Variants in CACNA1H observed in about 807,000 individuals in gnomAD.
The protein encoded by CACNA1H is voltage-dependent T-type calcium channel subunit alpha-1H.
CACNA1H carries 149 observed loss-of-function variants against 192.5 expected under a neutral mutation model. The ratio of observed to expected loss-of-function variants is 0.77; its 90% CI spans 0.68 to 0.89. CACNA1H has a LOEUF of 0.89. Ranked by LOEUF, CACNA1H falls within the 40% of genes least tolerant of loss-of-function variation. The probability of loss-of-function intolerance (pLI) is 0.00; values close to 1 mark genes in which losing one functional copy is unlikely to be tolerated. For synonymous variants in CACNA1H, 2,202 were observed against 1,475.2 expected, an observed-to-expected ratio of 1.49 and a Z score of -11.29; for missense variants, 4,257 against 3,423.5, an observed-to-expected ratio of 1.24 and a Z score of -6.08.
chr16:1,158,919 C>T (rs1448689841), intron 2 of CACNA1H, among the ~76,000 whole-genome samples: 1 of 152,026 alleles, frequency 6.6e-6, no homozygotes, highest in African/African-American at 2.4e-5. Context: ...CGCAGAGCCC[C>T]CCCGCTCAGC....
In CACNA1H at chr16:1,204,308, A is replaced by G. The variant is rs1295352076; in HGVS notation, c.2301A>G (p.Ala767=). 1 of 1,600,254 alleles carries G rather than the reference A, an allele frequency of 6.2e-7. No homozygotes were observed. Among genetic ancestry groups the G allele is most frequent in the Non-Finnish European group, 8.5e-7 (1 of 1,172,560 alleles). ...GSPQRRAQQR[A]APGEPGWMGR... ...CCCAGCGGCGGGCACAGCAGAGGGC[A>G]GCCCCGGGCGAGCCAGGCTGGATGG... The change falls in exon 10 of 35, where the codon GCA becomes GCG. Residue 767 remains alanine (A), a synonymous_variant. Coordinates refer to ENST00000348261, the MANE Select transcript of CACNA1H (RefSeq NM_021098.3).
At chr16:1,216,276 AGCGGC>A (rs1970019949) in intron 30 of CACNA1H, among the ~76,000 whole-genome samples, 1 of 152,090 alleles carries the variant, frequency 6.6e-6, no homozygotes, top group African/African-American at 2.4e-5. Context: ...CCCTGTCCTC[AGCGGC>A]GTGCCTAGCT....
At chr16:1,184,114 G>A (rs778814298) in intron 2 of CACNA1H, among the ~76,000 whole-genome samples, 2 of 152,188 alleles carry the variant, frequency 1.3e-5, no homozygotes, top group African/African-American at 4.8e-5. Flanking sequence ...CAGGGTGTAG[G>A]CGGGACTGCT....
intron 2 of CACNA1H, among the ~76,000 whole-genome samples, chr16:1,176,475 G>A (rs1027322226): frequency 2.0e-5 from 3 of 152,218 alleles, no homozygotes; most frequent in African/African-American, 7.2e-5. Flanking sequence ...TTCTGCAGGT[G>A]GGCATGGCAA....
In CACNA1H at chr16:1,207,085, C is replaced by T. The variant is rs2141305514; in HGVS notation, c.2874C>T (p.Asp958=). Residue 958 remains aspartate, a synonymous_variant, in exon 13 of 35, where the codon GAC becomes GAT. Coordinates refer to ENST00000348261, the MANE Select transcript of CACNA1H (RefSeq NM_021098.3). ...GDTVPDRKNF[D]SLLWAIVTVF... ...CCGTGCCTGACAGGAAGAACTTCGA[C>T]TCCCTGCTGTGGGCCATCGTCACCG... 3.1e-6 allele frequency: 5 copies of T among 1,600,470 alleles called. No homozygotes were observed. The highest frequency in any genetic ancestry group is 1.1e-5 in the South Asian group (1 of 88,800).
At chr16:1,196,765 C>G (rs1967028344) in intron 5 of CACNA1H, among the ~76,000 whole-genome samples, 1 of 152,150 alleles carries the variant, frequency 6.6e-6, no homozygotes, top group Admixed American at 6.5e-5. Flanking sequence ...CATATGCCTG[C>G]TTGTTTGGGA....
In CACNA1H at chr16:1,186,792, T is replaced by C. The variant is rs545710854; in HGVS notation, c.300-8180T>C. Among the ~76,000 whole-genome samples the C allele has an allele frequency of 5.8e-3, 882 of 152,316 alleles. 9 individuals carry two copies. Among genetic ancestry groups the C allele is most frequent in the African/African-American group, 0.019 (779 of 41,568 alleles). On this transcript the variant is annotated intron_variant, in intron 2 of 34. Coordinates refer to ENST00000348261, the MANE Select transcript of CACNA1H (RefSeq NM_021098.3). ...AGATATTCTGCCCTTCTAGCTCTTC[T>C]GTATACAAGCAGTGCGCCCTGGTTC... is the stretch of plus-strand genomic sequence containing the variant.
At chr16:1,195,861 C>T in intron 4 of CACNA1H, 65 bp from the exon 5 acceptor site, 1 of 1,295,046 alleles carries the variant, frequency 7.7e-7, no homozygotes, top group Admixed American at 1.7e-5. Flanking sequence ...CTACTTTGCA[C>T]CCCAGCCCCA....
intron 2 of CACNA1H, among the ~76,000 whole-genome samples, chr16:1,169,150 G>A (rs1242655785): frequency 8.0e-6 from 1 of 124,350 alleles, no homozygotes; most frequent in Non-Finnish European, 1.6e-5. Context: ...GCAGCGGCCA[G>A]TCTTCCTGCG....
rs1596459234 is a variant in CACNA1H at position 1,211,536 on chromosome 16, C to T, written c.4406C>T (p.Thr1469Ile). Residue 1469 changes from threonine (T) to isoleucine (I), a missense_variant, in exon 23 of 35, where the codon ACC (threonine) becomes ATC (isoleucine). Physicochemically the swap from Thr to Ile is moderately conservative, Grantham distance 89. Coordinates refer to ENST00000348261, the MANE Select transcript of CACNA1H (RefSeq NM_021098.3). ...GGCCCCGACACCAGGAACATCTCCA[C>T]CAAGGCACAGTGCCGGGCCGCCCAC... is the stretch of plus-strand genomic sequence containing the variant. ...CEGPDTRNIS[T>I]KAQCRAAHYR... 6.2e-7 allele frequency: 1 copy of T among 1,612,406 alleles called. No individual in the cohort carries two copies. The highest frequency in any genetic ancestry group is 8.5e-7 in the Non-Finnish European group (1 of 1,179,702).
At chr16:1,214,897 G>GCAC (rs1781420903) in intron 27 of CACNA1H, 75 bp from the exon 28 acceptor site, 1 of 1,129,040 alleles carries the variant, frequency 8.9e-7, no homozygotes, top group Admixed American at 2.0e-5. Flanking sequence ...GGGCACTCGG[G>GCAC]CGTGCAGAGT....
At position 1,162,237 on chromosome 16, in the gene CACNA1H, G is replaced by A. The variant is rs563496535; in HGVS notation, c.299+8201G>A. Among the ~76,000 whole-genome samples, 7 of 152,246 alleles carry A rather than the reference G, an allele frequency of 4.6e-5. No homozygotes were observed. In the East Asian group the frequency reaches 1.2e-3, roughly 25 times the overall value. The stretch of plus-strand genomic sequence containing the variant: ...CCCCAAGAGGCCATTGCTGTCTGAG[G>A]CCCCTACCTGTGGCACTCTGTTACA... On this transcript the variant is annotated intron_variant, in intron 2 of 34. Coordinates refer to ENST00000348261, the MANE Select transcript of CACNA1H (RefSeq NM_021098.3).
At chr16:1,174,186 C>A (rs1446075962) in intron 2 of CACNA1H, among the ~76,000 whole-genome samples, 1 of 152,166 alleles carries the variant, frequency 6.6e-6, no homozygotes, top group Non-Finnish European at 1.5e-5. Flanking sequence ...GGCAGAGGTC[C>A]TGGCGGCCTC....
In CACNA1H at chr16:1,207,358, C is replaced by T. The variant is rs1173690981; in HGVS notation, c.2991C>T (p.Ala997=). The change falls in exon 14 of 35, where the codon GCC becomes GCT. Residue 997 remains alanine, a synonymous_variant. Coordinates refer to ENST00000348261, the MANE Select transcript of CACNA1H (RefSeq NM_021098.3). ...CCTGGGCCGCCCTCTACTTCGTGGC[C>T]CTCATGACCTTCGGCAACTATGTGC... ...TSSWAALYFV[A]LMTFGNYVLF... 2.1e-5 allele frequency: 34 copies of T among 1,613,068 alleles called. No homozygotes were observed. Among genetic ancestry groups the T allele is most frequent in the Non-Finnish European group, 2.6e-5 (31 of 1,179,786 alleles).
chr16:1,163,593 C>A (rs990782230), intron 2 of CACNA1H, among the ~76,000 whole-genome samples: 1 of 152,256 alleles, frequency 6.6e-6, no homozygotes, highest in African/African-American at 2.4e-5. Context: ...CTGGTCTTTG[C>A]GGGCAGCCGC....
At chr16:1,214,319 C>T (rs1480977652) in intron 27 of CACNA1H, among the ~76,000 whole-genome samples, 2 of 152,232 alleles carry the variant, frequency 1.3e-5, no homozygotes, top group African/African-American at 2.4e-5. Flanking sequence ...ACTTCGTCCT[C>T]CCAGCCTTTT....
At position 1,220,280 on chromosome 16, in the gene CACNA1H, G is replaced by A; in HGVS notation, c.6348G>A (p.Glu2116=). 1.3e-6 allele frequency: 2 copies of A among 1,584,212 alleles called. No individual in the cohort carries two copies. Among genetic ancestry groups the A allele is most frequent in the Non-Finnish European group, 1.7e-6 (2 of 1,171,662 alleles). Reference sequence around the variant, plus strand: ...CCTGCCCCTGGCAGCCCACAGCCGAGCCCCATGGCCCCGAAGCCTCTCCGG... The same window carrying A: ...CCTGCCCCTGGCAGCCCACAGCCGAACCCCATGGCCCCGAAGCCTCTCCGG... ...SSACPWQPTA[E]PHGPEASPVA... The change falls in exon 35 of 35, where the codon GAG becomes GAA. Residue 2116 remains glutamate, a synonymous_variant. Coordinates refer to ENST00000348261, the MANE Select transcript of CACNA1H (RefSeq NM_021098.3).
At chr16:1,165,932 G>T (rs1378261184) in intron 2 of CACNA1H, among the ~76,000 whole-genome samples, 1 of 152,154 alleles carries the variant, frequency 6.6e-6, no homozygotes, top group Admixed American at 6.5e-5. Context: ...GCCGTGTGGG[G>T]CAAGAGTGGT....
At chr16:1,211,457 G>A (rs760134939) in intron 22 of CACNA1H, 24 bp from the exon 23 acceptor site, 31 of 1,612,158 alleles carry the variant, frequency 1.9e-5, no homozygotes, top group African/African-American at 1.1e-4. Context: ...CAGGCCCTCC[G>A]CGGTGACCGT....
Sources: allele counts gnomAD v4.1 joint callset (sites outside exome capture counted in the v4.1 genomes callset), GRCh38; gene constraint gnomAD v4.1.1; transcripts MANE v1.5; gene names NCBI Gene and HGNC (gene_info 2026-07-23, HGNC 2026-07-21).